The following SMARCAL1 variants were observed in gnomAD, a reference collection of about 807,000 sequenced individuals.
SMARCAL1 encodes ATP-driven annealing helicase.
Under a neutral mutation model 94.5 loss-of-function variants are expected in SMARCAL1, and 58 were observed. The ratio of observed to expected loss-of-function variants is 0.61; its 90% CI spans 0.50 to 0.76. The LOEUF (loss-of-function observed/expected upper bound fraction) is 0.76, where lower values mean the gene tolerates loss of function less well. Among genes scored for constraint, SMARCAL1 ranks in the 30% least tolerant of loss-of-function variants. The pLI, the probability that SMARCAL1 is intolerant of heterozygous loss-of-function variation, is 0.00. For synonymous variants in SMARCAL1, 422 were observed against 455.1 expected (o/e 0.93, Z 0.93); for missense variants, 1,051 against 1,177.9 (o/e 0.89, Z 1.58).
intron 5 of SMARCAL1, among the ~76,000 whole-genome samples, chr2:216,421,337 G>T (rs993898563): frequency 6.6e-6 from 1 of 152,022 alleles, no homozygotes; most frequent in African/African-American, 2.4e-5. Flanking sequence ...TCACTCTGTT[G>T]CCCAGGCTGG....
intron 16 of SMARCAL1, 76 bp downstream of exon 16, chr2:216,477,285 A>C: frequency 9.4e-7 from 1 of 1,062,658 alleles, no homozygotes; most frequent in Non-Finnish European, 1.4e-6. Flanking sequence ...CTTTGCTCCC[A>C]AAGTGCTTCT....
At chr2:216,449,061 CT>C (rs1462196280) in intron 11 of SMARCAL1, among the ~76,000 whole-genome samples, 9 of 152,312 alleles carry the variant, frequency 5.9e-5, no homozygotes, top group African/African-American at 2.2e-4. Context: ...GCACTGGCAT[CT>C]AGTGAGGGCC....
At chr2:216,469,279 CTTTT>C (rs71054477) in intron 14 of SMARCAL1, among the ~76,000 whole-genome samples, 6 of 102,994 alleles carry the variant, frequency 5.8e-5, no homozygotes, top group Middle Eastern at 5.2e-3. Flanking sequence ...TTAGAGATTT[CTTTT>C]TTTTTTTTTT....
chr2:216,427,420 A>C (rs371422452), intron 6 of SMARCAL1: 1 of 152,374 alleles, frequency 6.6e-6, no homozygotes, highest in East Asian at 1.9e-4. Context: ...CAGCCAGTTC[A>C]TCAGCCCTTT....
At chr2:216,440,614 G>A (rs537922746) in intron 10 of SMARCAL1, among the ~76,000 whole-genome samples, 14 of 152,322 alleles carry the variant, frequency 9.2e-5, no homozygotes, top group African/African-American at 2.9e-4. Context: ...CTTCCGCAAC[G>A]TTGACTTCAT....
Position 216,415,271 on chromosome 2 carries a change from G to GT in SMARCAL1, c.569dup (p.Leu190PhefsTer21). 1 of 1,614,266 alleles carries GT rather than the reference G, an allele frequency of 6.2e-7. No homozygotes were observed. The highest frequency in any genetic ancestry group is 8.5e-7 in the Non-Finnish European group (1 of 1,180,042). On this transcript the variant is annotated frameshift_variant, in exon 3 of 18. Transcript: ENST00000357276. LOFTEE classifies it high-confidence loss of function. ...CTGGACAGCCTCCCAGGGATGCTAA[G>GT]TTAGAGGCCAAGACAGCAAAAGCCT... is the stretch of plus-strand genomic sequence containing the variant.
Position 216,414,811 on chromosome 2 carries a change from C to G in SMARCAL1, c.107C>G (p.Thr36Ser). ...EKLLAEQHQR[T>S]SSGTSIAGNP... The stretch of plus-strand genomic sequence containing the variant: ...TTATTGGCAGAACAGCATCAGAGGA[C>G]TAGCTCGGGCACCTCCATTGCTGGC... Residue 36 changes from threonine to serine, a missense_variant, in exon 3 of 18, where the codon ACT becomes AGT. By Grantham distance (58) the Thr-to-Ser change is moderately conservative (BLOSUM62 1). Coordinates refer to ENST00000357276, the MANE Select transcript of SMARCAL1 (RefSeq NM_014140.4). The G allele has an allele frequency of 6.2e-7, 1 of 1,614,234 alleles. No homozygotes were observed. Among genetic ancestry groups the G allele is most frequent in the Non-Finnish European group, 8.5e-7 (1 of 1,180,040 alleles).
At chr2:216,430,894 C>T (rs942557889) in intron 7 of SMARCAL1, among the ~76,000 whole-genome samples, 2 of 152,256 alleles carry the variant, frequency 1.3e-5, no homozygotes, top group African/African-American at 4.8e-5. Context: ...CTCCCCCCAT[C>T]TGTCTGTGTT....
rs750345128 is a variant in SMARCAL1, at chr2:216,477,177, C to T, written c.2496C>T (p.Leu832=). 2.3e-5 allele frequency: 37 copies of T among 1,598,132 alleles called. No individual in the cohort carries two copies. The highest frequency in any genetic ancestry group is 1.4e-4 in the Admixed American group (8 of 57,724). The change falls in exon 16 of 18, where the codon CTC becomes CTT. Residue 832 remains leucine (L), a synonymous_variant. Transcript: ENST00000357276. ...CCAGCTCCGTGGGCATTCACTACCTCGTGGCAAAGGGCACAGCTGATGACT... is the reference window on the plus strand; with the variant it reads ...CCAGCTCCGTGGGCATTCACTACCTTGTGGCAAAGGGCACAGCTGATGACT... ...GQTSSVGIHY[L]VAKGTADDYL...
intron 8 of SMARCAL1, 36 bp from the exon 9 acceptor site, chr2:216,435,302 G>A: frequency 6.2e-7 from 1 of 1,612,356 alleles, no homozygotes; most frequent in South Asian, 1.1e-5. Context: ...TGTGCTGGGT[G>A]GTCATTGTAG....
At chr2:216,415,551 T>G in intron 3 of SMARCAL1, 36 bp downstream of exon 3, 1 of 1,550,066 alleles carries the variant, frequency 6.5e-7, no homozygotes, top group Non-Finnish European at 8.8e-7. Context: ...TTTTTTTTTT[T>G]TTCTTATTTT....
intron 12 of SMARCAL1, among the ~76,000 whole-genome samples, chr2:216,454,081 T>A (rs572066910): frequency 2.6e-5 from 4 of 152,158 alleles, no homozygotes; most frequent in Admixed American, 2.0e-4. Context: ...GGTAACAATA[T>A]CAGTTCACCC....
intron 7 of SMARCAL1, 24 bp downstream of exon 7, chr2:216,428,806 C>T: frequency 1.9e-6 from 3 of 1,602,390 alleles, no homozygotes; most frequent in Non-Finnish European, 2.6e-6. Context: ...CTTCCTCTCT[C>T]TTCCTCTGTT....
intron 13 of SMARCAL1, among the ~76,000 whole-genome samples, chr2:216,467,042 C>G (rs1255895885): frequency 1.3e-5 from 2 of 152,178 alleles, no homozygotes; most frequent in African/African-American, 4.8e-5. Context: ...CTGGGCTTAC[C>G]TCTTCTTTGG....
intron 17 of SMARCAL1, among the ~76,000 whole-genome samples, chr2:216,481,952 G>A (rs79668862): frequency 6.6e-6 from 1 of 152,196 alleles, no homozygotes; most frequent in African/African-American, 2.4e-5. Context: ...TAGTGATCGT[G>A]TGTTGTGGTT....
At chr2:216,441,511 A>G (rs554566869) in intron 10 of SMARCAL1, among the ~76,000 whole-genome samples, 1 of 152,222 alleles carries the variant, frequency 6.6e-6, no homozygotes, top group South Asian at 2.1e-4. Context: ...ATTGAGCAAG[A>G]TCATCATTTT....
In SMARCAL1 at chr2:216,459,880, C is replaced by T. The variant is rs1338891601; in HGVS notation, c.2071-4717C>T. Reference sequence around the variant, plus strand: ...AGCTTCTGCACAGCAAAAGAAACTACCATCAGAGTGAACAGGAAACCTACA... The same window carrying T: ...AGCTTCTGCACAGCAAAAGAAACTATCATCAGAGTGAACAGGAAACCTACA... On this transcript the variant is annotated intron_variant, in intron 12 of 17. Transcript: ENST00000357276. 4.0e-5 allele frequency among the ~76,000 whole-genome samples: 6 copies of T among 151,864 alleles called. No homozygotes were observed. In the South Asian group the frequency reaches 6.2e-4, roughly 16 times the overall value.
intron 12 of SMARCAL1, among the ~76,000 whole-genome samples, chr2:216,457,505 A>G (rs1430297455): frequency 2.6e-5 from 4 of 152,260 alleles, no homozygotes; most frequent in Non-Finnish European, 5.9e-5. Flanking sequence ...CCACAGTGCA[A>G]TCAAACTAGA....
In SMARCAL1 at chr2:216,428,681, G is replaced by A. The variant is rs765375901; in HGVS notation, c.1233G>A (p.Lys411=). Residue 411 remains lysine, a synonymous_variant, in exon 7 of 18, where the codon AAG becomes AAA. Coordinates refer to ENST00000357276, the MANE Select transcript of SMARCAL1 (RefSeq NM_014140.4). ...LTLAFASQLK[K]TSLSLTPDVP... Reference sequence around the variant, plus strand: ...TGGCGTTTGCTTCTCAGCTCAAGAAGACATCTCTCAGTCTCACGCCAGATG... The same window carrying A: ...TGGCGTTTGCTTCTCAGCTCAAGAAAACATCTCTCAGTCTCACGCCAGATG... 1 of 1,614,152 alleles carries A rather than the reference G, an allele frequency of 6.2e-7. No individual in the cohort carries two copies. The highest frequency in any genetic ancestry group is 2.2e-5 in the East Asian group (1 of 44,880).
Sources: allele counts gnomAD v4.1 joint callset (sites outside exome capture counted in the v4.1 genomes callset), GRCh38; gene constraint gnomAD v4.1.1; transcripts MANE v1.5; gene names NCBI Gene and HGNC (gene_info 2026-07-23, HGNC 2026-07-21).